DCDC1: variants seen among roughly 807,000 people sequenced by gnomAD.
The protein encoded by DCDC1 is doublecortin domain containing 1.
A neutral mutation model predicts 178.3 loss-of-function variants in DCDC1; 200 were observed. That is an observed-to-expected ratio of 1.12 (90% CI 1.00 to 1.26). The LOEUF (loss-of-function observed/expected upper bound fraction) is 1.26. DCDC1 is among the 50% of genes most tolerant of loss of function. The pLI is 0.00. For synonymous variants in DCDC1, 690 were observed against 604.8 expected, an observed-to-expected ratio of 1.14 and a Z score of -2.07; for missense variants, 1,983 against 1,749.2, an observed-to-expected ratio of 1.13 and a Z score of -2.38.
intron 21 of DCDC1, among the ~76,000 whole-genome samples, chr11:30,942,808 A>C (rs1375326534): frequency 6.6e-6 from 1 of 152,200 alleles, no homozygotes; most frequent in Non-Finnish European, 1.5e-5. Context: ...TTCTCTTTTT[A>C]ATGTGAGACA....
chr11:31,295,384 A>G (rs993554674), intron 6 of DCDC1, among the ~76,000 whole-genome samples: 3 of 152,140 alleles, frequency 2.0e-5, no homozygotes, highest in Non-Finnish European at 4.4e-5. Flanking sequence ...TGCCCCCCCA[A>G]GGTGCCTTTT....
intron 9 of DCDC1, among the ~76,000 whole-genome samples, chr11:31,208,952 T>C (rs1335783992): frequency 6.6e-6 from 1 of 152,188 alleles, no homozygotes; most frequent in African/African-American, 2.4e-5. Flanking sequence ...TTTTTTTATG[T>C]TTTATTTTCT....
intron 38 of DCDC1, among the ~76,000 whole-genome samples, chr11:30,873,347 A>G (rs865946924): frequency 0.02 from 2,309 of 117,148 alleles, 59 homozygotes; most frequent in African/African-American, 0.066. Flanking sequence ...GTATATACAT[A>G]TATATATATA....
At chr11:31,168,934 A>G (rs1966878865) in intron 9 of DCDC1, among the ~76,000 whole-genome samples, 1 of 152,182 alleles carries the variant, frequency 6.6e-6, no homozygotes, top group South Asian at 2.1e-4. Context: ...GTATTAAAAG[A>G]AGACTAAAAT....
At chr11:31,288,886 T>C (rs1947024768) in intron 7 of DCDC1, among the ~76,000 whole-genome samples, 1 of 151,862 alleles carries the variant, frequency 6.6e-6, no homozygotes, top group Admixed American at 6.6e-5. Flanking sequence ...AAAGTTCTTA[T>C]TGACACCCAA....
At chr11:31,310,146 T>C (rs2616803) in intron 3 of DCDC1, among the ~76,000 whole-genome samples, 61,181 of 151,702 alleles carry the variant, frequency 0.4, 12,730 homozygotes, top group African/African-American at 0.47. Context: ...TTCAACTATA[T>C]ATTTGTTTAT....
At chr11:30,869,816 G>T (rs914060456) in intron 38 of DCDC1, among the ~76,000 whole-genome samples, 2 of 152,162 alleles carry the variant, frequency 1.3e-5, no homozygotes, top group Admixed American at 1.3e-4. Context: ...GATTCCAAAG[G>T]CCTTTGGGCA....
At position 30,905,129 on chromosome 11, in the gene DCDC1, T is replaced by TA. The variant is rs766050144; in HGVS notation, c.4139dup (p.Ser1381LysfsTer45). 9.3e-6 allele frequency: 15 copies of TA among 1,610,542 alleles called. No individual in the cohort carries two copies. The highest frequency in any genetic ancestry group is 1.7e-4 in the Middle Eastern group (1 of 6,060). On this transcript the variant is annotated frameshift_variant, in exon 31 of 39. Transcript: ENST00000684477. LOFTEE classifies it high-confidence loss of function. ...ACAATAGACGTGCTTGGTAGTAACT[T>TA]AGAGTTTTTTCAGCCTTGTCACACG...
At chr11:30,887,998 C>T (rs1467209836) in intron 36 of DCDC1, among the ~76,000 whole-genome samples, 92 of 94,422 alleles carry the variant, frequency 9.7e-4, no homozygotes, top group African/African-American at 3.1e-3. Context: ...AGCAAAATTC[C>T]GTCAAAAAAA....
chr11:30,945,248 T>C lies in DCDC1; in HGVS notation c.2715+7197A>G, dbSNP rs376944891. 2.0e-5 allele frequency among the ~76,000 whole-genome samples: 3 copies of C among 152,126 alleles called. No individual in the cohort carries two copies. The East Asian group carries it at 5.8e-4, about 29-fold the overall frequency. On this transcript the variant is annotated intron_variant, in intron 21 of 38. Coordinates refer to ENST00000684477, the MANE Select transcript of DCDC1 (RefSeq NM_001387274.1). The stretch of plus-strand genomic sequence containing the variant: ...TCCCAAAGTGCTGGGATTATAGGTG[T>C]GAGCCATCGCGCCTGGCCAAAAATG...
intron 9 of DCDC1, among the ~76,000 whole-genome samples, chr11:31,140,780 G>T (rs1159694571): frequency 2.0e-5 from 3 of 152,078 alleles, no homozygotes; most frequent in Admixed American, 6.6e-5. Context: ...ATCCACAAAG[G>T]TGTACCTGAA....
At chr11:31,267,333 G>T (rs1447170826) in intron 7 of DCDC1, among the ~76,000 whole-genome samples, 1 of 152,088 alleles carries the variant, frequency 6.6e-6, no homozygotes, top group Non-Finnish European at 1.5e-5. Flanking sequence ...TGGGATTACA[G>T]GCATGCGCCA....
chr11:31,048,788 C>A lies in DCDC1; in HGVS notation c.2591+15681G>T, dbSNP rs551441036. Reference sequence around the variant, plus strand: ...AGGAGAACGGCGTGAACCCGGGAGGCGGGGCTTGCAGTCCGCTGAGATTGC... The same window carrying A: ...AGGAGAACGGCGTGAACCCGGGAGGAGGGGCTTGCAGTCCGCTGAGATTGC... On this transcript the variant is annotated intron_variant, in intron 20 of 38. Coordinates refer to ENST00000684477, the MANE Select transcript of DCDC1 (RefSeq NM_001387274.1). 2.0e-5 allele frequency among the ~76,000 whole-genome samples: 3 copies of A among 151,950 alleles called. No individual in the cohort carries two copies. The South Asian group carries it at 6.2e-4, about 31-fold the overall frequency.
At chr11:31,088,876 T>C (rs993691480) in intron 17 of DCDC1, among the ~76,000 whole-genome samples, 1 of 152,106 alleles carries the variant, frequency 6.6e-6, no homozygotes, top group African/African-American at 2.4e-5. Flanking sequence ...AATTTTTCTA[T>C]TTTTTGTAGA....
chr11:31,183,571 A>C (rs1969109576), intron 9 of DCDC1, among the ~76,000 whole-genome samples: 1 of 152,224 alleles, frequency 6.6e-6, no homozygotes, highest in African/African-American at 2.4e-5. Flanking sequence ...TAAGCTGATA[A>C]GCAACTTCAG....
chr11:31,217,320 A>G (rs1470205154), intron 9 of DCDC1, among the ~76,000 whole-genome samples: 4 of 152,222 alleles, frequency 2.6e-5, no homozygotes, highest in Admixed American at 1.3e-4. Context: ...AATCTGAACT[A>G]TATGGACTTC....
Position 30,881,282 on chromosome 11 carries a change from G to A in DCDC1, c.5109C>T (p.Leu1703=). Residue 1703 remains leucine (L), a synonymous_variant, in exon 37 of 39, where the codon CTC becomes CTT. Coordinates refer to ENST00000684477, the MANE Select transcript of DCDC1 (RefSeq NM_001387274.1). Reference sequence around the variant, plus strand: ...GTGCTCTAGCTGGGTGGGTCATTTTGAGACGAGAGGAGCAGTCTTGCAGCA... The same window carrying A: ...GTGCTCTAGCTGGGTGGGTCATTTTAAGACGAGAGGAGCAGTCTTGCAGCA... The part of the protein sequence containing the change: ...SELLQDCSSR[L]KMTHPARALY... The A allele has an allele frequency of 6.2e-7, 1 of 1,613,404 alleles. No homozygotes were observed. The highest frequency in any genetic ancestry group is 1.3e-5 in the African/African-American group (1 of 74,996).
At chr11:31,272,631 A>G (rs1281013203) in intron 7 of DCDC1, among the ~76,000 whole-genome samples, 1 of 152,220 alleles carries the variant, frequency 6.6e-6, no homozygotes, top group African/African-American at 2.4e-5. Context: ...CAAGTCTAAA[A>G]TCCAACAGGG....
intron 7 of DCDC1, chr11:31,280,890 G>T: frequency 1.6e-6 from 1 of 641,060 alleles, no homozygotes; most frequent in Admixed American, 1.8e-5. Context: ...AGACCATGGA[G>T]ATTAGGCCCA....
Sources: allele counts gnomAD v4.1 joint callset (sites outside exome capture counted in the v4.1 genomes callset), GRCh38; gene constraint gnomAD v4.1.1; transcripts MANE v1.5; gene names NCBI Gene and HGNC (gene_info 2026-07-23, HGNC 2026-07-21).